NFKBIZ: variants seen among roughly 807,000 people sequenced by gnomAD.
NFKBIZ encodes NF-kappa-B inhibitor zeta.
NFKBIZ carries 19 observed loss-of-function variants against 76.8 expected under a neutral mutation model. The observed-to-expected ratio is 0.25, with a 90% CI of 0.17 to 0.36. NFKBIZ has a LOEUF of 0.36. Among genes scored for constraint, NFKBIZ ranks in the 10% least tolerant of loss-of-function variants. NFKBIZ has a pLI of 1.00. For missense variants in NFKBIZ, 829 were observed against 910.9 expected (o/e 0.91, Z 1.16); for synonymous variants, 368 against 354.8 (o/e 1.04, Z -0.42).
intron 9 of NFKBIZ, 152 bp downstream of exon 9, chr3:101,856,054 A>ATT (rs200310354): frequency 1.3e-3 from 614 of 475,790 alleles, no homozygotes; most frequent in South Asian, 1.8e-3. Flanking sequence ...GAAGCCCAGA[A>ATT]TTTTTTTTTT....
Position 101,855,352 on chromosome 3 carries a change from G to T in NFKBIZ, c.1591-43G>T, listed in dbSNP as rs755650879. 5.0e-6 allele frequency: 8 copies of T among 1,608,794 alleles called. No homozygotes were observed. In the African/African-American group the frequency reaches 9.4e-5, roughly 19 times the overall value. ...CTTGGGGATTCTAATAGGTATATGC[G>T]CAGCTTATGTAGCTAACAGATGTCT... On this transcript the variant is annotated intron_variant, in intron 7 of 11. Transcript: ENST00000326172.
intron 2 of NFKBIZ, among the ~76,000 whole-genome samples, chr3:101,837,504 A>G (rs998930481): frequency 1.3e-5 from 2 of 151,650 alleles, no homozygotes; most frequent in Non-Finnish European, 2.9e-5. Context: ...AAAAAAAAAA[A>G]AAAAGAAAAG....
intron 2 of NFKBIZ, among the ~76,000 whole-genome samples, chr3:101,839,287 T>A (rs1429864374): frequency 6.6e-6 from 1 of 152,296 alleles, no homozygotes; most frequent in East Asian, 1.9e-4. Flanking sequence ...ATTAAAATTC[T>A]TCTTGAAAAA....
chr3:101,838,958 C>T (rs1942756247), intron 2 of NFKBIZ, among the ~76,000 whole-genome samples: 1 of 152,114 alleles, frequency 6.6e-6, no homozygotes, highest in Admixed American at 6.5e-5. Context: ...ATATAAAGTA[C>T]ATAGTATTCC....
chr3:101,853,624 A>G lies in NFKBIZ; in HGVS notation c.1098A>G (p.Gln366=), dbSNP rs1485741293. The change falls in exon 5 of 12, where the codon CAA becomes CAG. Residue 366 remains glutamine, a synonymous_variant. Transcript: ENST00000326172. ...PMQTSSSVQQ[Q]NDAHLHSFSM... is the part of the protein sequence containing the mutation. ...AGACTTCCTCCAGTGTTCAGCAGCAAAATGATGCTCACTTGCACAGCTTCA... is the reference window on the plus strand; with the variant it reads ...AGACTTCCTCCAGTGTTCAGCAGCAGAATGATGCTCACTTGCACAGCTTCA... The G allele has an allele frequency of 1.2e-6, 2 of 1,614,136 alleles. No individual in the cohort carries two copies. Among genetic ancestry groups the G allele is most frequent in the Non-Finnish European group, 1.7e-6 (2 of 1,180,054 alleles).
At chr3:101,847,094 G>A (rs1351095521), upstream of NFKBIZ, among the ~76,000 whole-genome samples, 3 of 152,266 alleles carry the variant, frequency 2.0e-5, no homozygotes, top group African/African-American at 4.8e-5. Context: ...ATGCCTGCCC[G>A]CATTGGCGAA....
chr3:101,850,759 G>C (rs7645725), intron 1 of NFKBIZ, among the ~76,000 whole-genome samples: 123 of 152,284 alleles, frequency 8.1e-4, no homozygotes, highest in African/African-American at 2.9e-3. Flanking sequence ...TCCTGTTTTG[G>C]TTGTCATTTA....
rs1454849037 is a variant in NFKBIZ, at chr3:101,860,756, A to T, written c.*1385A>T. The stretch of plus-strand genomic sequence containing the variant: ...ATGTATTTGGCTTTGATTACACACT[A>T]AGTTTTTGTAATAAATTTGACTCAT... On this transcript the variant is annotated 3_prime_UTR_variant, in exon 12 of 12. Coordinates refer to ENST00000326172, the MANE Select transcript of NFKBIZ (RefSeq NM_031419.4). The T allele has an allele frequency of 6.6e-6, 1 of 151,350 alleles. No homozygotes were observed. Among genetic ancestry groups the T allele is most frequent in the Non-Finnish European group, 1.5e-5 (1 of 67,892 alleles). The allele number at this position is 151,350 out of a possible 1,614,324, so 9.4% of individuals were successfully genotyped here.
chr3:101,833,005 C>T lies in NFKBIZ; in HGVS notation c.-12+3317C>T, dbSNP rs562115820. 1.4e-3 allele frequency among the ~76,000 whole-genome samples: 215 copies of T among 152,302 alleles called. 1 individual carries two copies. The highest frequency in any genetic ancestry group is 2.4e-3 in the Non-Finnish European group (161 of 68,028). On this transcript the variant is annotated intron_variant, in intron 2 of 12. Coordinates refer to the NFKBIZ transcript ENST00000394054. ...TGACACGAAGTTCTGAGTAAATCTGCGCAGTGATTCGGCACCACTATTAAA... is the reference window on the plus strand; with the variant it reads ...TGACACGAAGTTCTGAGTAAATCTGTGCAGTGATTCGGCACCACTATTAAA...
intron 2 of NFKBIZ, among the ~76,000 whole-genome samples, chr3:101,832,654 T>G (rs1048382277): frequency 6.6e-6 from 1 of 152,262 alleles, no homozygotes; most frequent in African/African-American, 2.4e-5. Context: ...CCTTCCTTTT[T>G]AAGGCCGAAT....
chr3:101,857,215 C>T (rs1414928186), intron 10 of NFKBIZ, 32 bp downstream of exon 10: 1 of 378,530 alleles, frequency 2.6e-6, no homozygotes, highest in Non-Finnish European at 4.0e-6. Context: ...CTTCTGTACA[C>T]CCTCTCAAAG....
At chr3:101,843,933 AG>A (rs1325131225) in intron 2 of NFKBIZ, among the ~76,000 whole-genome samples, 1 of 152,232 alleles carries the variant, frequency 6.6e-6, no homozygotes, top group East Asian at 1.9e-4. Flanking sequence ...GTCCAACAGA[AG>A]TTTCCCAAAA....
chr3:101,833,946 G>A (rs141529955), intron 2 of NFKBIZ, among the ~76,000 whole-genome samples: 1 of 152,284 alleles, frequency 6.6e-6, no homozygotes, highest in African/African-American at 2.4e-5. Context: ...AGGTTTGTTG[G>A]CTCTCCAAAC....
At chr3:101,852,603 A>G (rs934853978) in intron 2 of NFKBIZ, 135 bp from the exon 3 acceptor site, 16 of 625,502 alleles carry the variant, frequency 2.6e-5, no homozygotes, top group Non-Finnish European at 4.1e-5. Context: ...GATATAGAAA[A>G]TCAATATTGA....
chr3:101,854,588 A>G lies in NFKBIZ; in HGVS notation c.1348A>G (p.Ile450Val), dbSNP rs776273958. ...TTCCATGTTCCCCAGGTTCCTTCATATTGCTGTTGCCCAAGGGAGAAGGGC... is the reference window on the plus strand; with the variant it reads ...TTCCATGTTCCCCAGGTTCCTTCATGTTGCTGTTGCCCAAGGGAGAAGGGC... ...KDADGDTFLH[I>V]AVAQGRRALS... Residue 450 changes from isoleucine to valine, a missense_variant, in exon 6 of 12, where the codon ATT (isoleucine) becomes GTT (valine). By Grantham distance (29) the Ile-to-Val change is conservative. Transcript: ENST00000326172. The G allele has an allele frequency of 1.7e-5, 27 of 1,610,754 alleles. No homozygotes were observed. In the East Asian group the frequency reaches 2.7e-4, roughly 16 times the overall value.
intron 2 of NFKBIZ, among the ~76,000 whole-genome samples, chr3:101,841,565 T>A (rs1345185204): frequency 6.6e-6 from 1 of 152,226 alleles, no homozygotes; most frequent in Non-Finnish European, 1.5e-5. Context: ...AAATATGTGG[T>A]CTGATTTACT....
In NFKBIZ at chr3:101,859,583, G is replaced by A. The variant is rs1460139316; in HGVS notation, c.*212G>A. The A allele has an allele frequency of 3.4e-5, 13 of 382,330 alleles. No homozygotes were observed. The East Asian group carries it at 5.1e-4, about 15-fold the overall frequency. The allele number at this position is 382,330 out of a possible 1,614,324, so 23.7% of individuals were successfully genotyped here. On this transcript the variant is annotated 3_prime_UTR_variant, in exon 12 of 12. Transcript: ENST00000326172. ...GCAGATTTGCATATTTCATACCCAG[G>A]TATCTGGGATCTAGACATCTGAATT...
At chr3:101,833,929 C>T (rs1188374558) in intron 2 of NFKBIZ, among the ~76,000 whole-genome samples, 1 of 152,216 alleles carries the variant, frequency 6.6e-6, no homozygotes, top group Non-Finnish European at 1.5e-5. Flanking sequence ...CACCCCATAC[C>T]TCACTTAGGT....
In NFKBIZ at chr3:101,852,574, G is replaced by A. The variant is rs1256583835; in HGVS notation, c.430-164G>A. On this transcript the variant is annotated intron_variant, in intron 2 of 11. Coordinates refer to ENST00000326172, the MANE Select transcript of NFKBIZ (RefSeq NM_031419.4). ...AGGTGAAAGTGAAAATGAGGAAGTC[G>A]CAAGATAGAATAAAAATTGATATAG... Among the ~76,000 whole-genome samples, 8 of 152,266 alleles carry A rather than the reference G, an allele frequency of 5.3e-5. No homozygotes were observed. The South Asian group carries it at 6.2e-4, about 12-fold the overall frequency.
Sources: allele counts gnomAD v4.1 joint callset (sites outside exome capture counted in the v4.1 genomes callset), GRCh38; gene constraint gnomAD v4.1.1; transcripts MANE v1.5; gene names NCBI Gene and HGNC (gene_info 2026-07-23, HGNC 2026-07-21).